Variants in OTUD7A observed in about 807,000 individuals in gnomAD.
OTUD7A encodes OTU deubiquitinase 7A, also known as OTU domain-containing protein 7A.
OTUD7A carries 12 observed loss-of-function variants against 65.7 expected under a neutral mutation model. The ratio of observed to expected loss-of-function variants is 0.18; its 90% CI spans 0.12 to 0.30. The LOEUF (loss-of-function observed/expected upper bound fraction) is 0.30, where lower values mean the gene tolerates loss of function less well. OTUD7A is among the 10% of genes least tolerant of loss of function. The pLI, the probability that OTUD7A is intolerant of heterozygous loss-of-function variation, is 1.00. For missense variants in OTUD7A, 1,148 were observed against 1,304.8 expected (o/e 0.88, Z 1.85); for synonymous variants, 641 against 586.3 (o/e 1.09, Z -1.35).
chr15:31,500,562 T>A (rs1265598790), intron 10 of OTUD7A, among the ~76,000 whole-genome samples: 3 of 152,224 alleles, frequency 2.0e-5, no homozygotes, highest in Admixed American at 2.0e-4. Flanking sequence ...AGTGACACGC[T>A]GGTGCCGCCT....
intron 5 of OTUD7A, chr15:31,558,115 C>CTGGGAGG (rs1270646467): frequency 2.6e-5 from 4 of 152,226 alleles, no homozygotes; most frequent in Admixed American, 1.3e-4. Flanking sequence ...GGGGCTCCCA[C>CTGGGAGG]TGGGAGGGGC....
chr15:31,513,677 G>C (rs1173974898), intron 8 of OTUD7A, among the ~76,000 whole-genome samples: 2 of 152,202 alleles, frequency 1.3e-5, no homozygotes, highest in African/African-American at 4.8e-5. Flanking sequence ...ATCTTATCAG[G>C]TTGTGTGAAC....
At chr15:31,651,692 A>G (rs1177441747) in intron 3 of OTUD7A, among the ~76,000 whole-genome samples, 11 of 152,176 alleles carry the variant, frequency 7.2e-5, no homozygotes, top group East Asian at 1.9e-4. Flanking sequence ...AAAATCAGTT[A>G]TATTTCTGTA....
At chr15:31,699,873 G>A (rs1893174059) in intron 1 of OTUD7A, among the ~76,000 whole-genome samples, 1 of 152,000 alleles carries the variant, frequency 6.6e-6, no homozygotes, top group African/African-American at 2.4e-5. Context: ...GCTGTTAGTG[G>A]AAGTGACGTT....
At chr15:31,676,977 T>C (rs1892608311) in intron 1 of OTUD7A, among the ~76,000 whole-genome samples, 2 of 152,254 alleles carry the variant, frequency 1.3e-5, no homozygotes, top group Admixed American at 1.3e-4. Context: ...AGACCCTGCC[T>C]GATGTTGACC....
At chr15:31,667,069 A>G (rs1892340453) in intron 1 of OTUD7A, among the ~76,000 whole-genome samples, 1 of 152,130 alleles carries the variant, frequency 6.6e-6, no homozygotes, top group African/African-American at 2.4e-5. Context: ...CCTTGGAGAA[A>G]CTTCCATGTG....
chr15:31,609,821 AC>A (rs1294429108), intron 3 of OTUD7A, among the ~76,000 whole-genome samples: 1 of 150,826 alleles, frequency 6.6e-6, no homozygotes, highest in African/African-American at 2.4e-5. Context: ...AGTCCATTTC[AC>A]CCCCCTGCCA....
At chr15:31,616,895 T>C (rs751954156) in intron 3 of OTUD7A, among the ~76,000 whole-genome samples, 9 of 152,136 alleles carry the variant, frequency 5.9e-5, no homozygotes, top group Non-Finnish European at 7.4e-5. Flanking sequence ...GAAGCATGTG[T>C]AGCTTGCAAA....
rs766786665 is a variant in OTUD7A at position 31,559,003 on chromosome 15, G to A, written c.516C>T (p.Ile172=). Residue 172 remains isoleucine, a synonymous_variant, in exon 5 of 13, where the codon ATC becomes ATT. Transcript: ENST00000307050. ...CCAAAGCCACCATTGTTGCCTGCTC[G>A]ATCAAGTCCCGCTCGATGAAGCTCC... The part of the protein sequence containing the change: ...DFRSFIERDL[I]EQATMVALEQ... The A allele has an allele frequency of 9.9e-6, 16 of 1,614,076 alleles. No homozygotes were observed. Among genetic ancestry groups the A allele is most frequent in the East Asian group, 6.7e-5 (3 of 44,902 alleles).
intron 1 of OTUD7A, among the ~76,000 whole-genome samples, chr15:31,695,225 G>A (rs1030364779): frequency 7.1e-6 from 1 of 141,822 alleles, no homozygotes; most frequent in Non-Finnish European, 1.6e-5. Context: ...ATAGAGTGCT[G>A]CAGTGAACAT....
intron 1 of OTUD7A, among the ~76,000 whole-genome samples, chr15:31,729,386 AAAG>A (rs2141358914): frequency 6.6e-6 from 1 of 152,348 alleles, no homozygotes; most frequent in South Asian, 2.1e-4. Context: ...CTGTCATGAC[AAAG>A]AAGAAATAAC....
At chr15:31,682,232 A>G (rs2338489) in intron 1 of OTUD7A, among the ~76,000 whole-genome samples, 36,326 of 152,150 alleles carry the variant, frequency 0.24, 4,689 homozygotes, top group African/African-American at 0.33. Context: ...ATTCAGACAA[A>G]AGAGACCAAA....
intron 3 of OTUD7A, among the ~76,000 whole-genome samples, chr15:31,572,366 T>G (rs936435572): frequency 1.3e-5 from 2 of 152,154 alleles, no homozygotes; most frequent in African/African-American, 2.4e-5. Context: ...CCAAAATAAT[T>G]CAAAGACTGA....
chr15:31,846,520 C>G (rs1218171620), intron 1 of OTUD7A, among the ~76,000 whole-genome samples: 1 of 152,108 alleles, frequency 6.6e-6, no homozygotes, highest in African/African-American at 2.4e-5. Flanking sequence ...CGGGCAGGAA[C>G]TGGTATGGCT....
intron 1 of OTUD7A, among the ~76,000 whole-genome samples, chr15:31,846,698 G>A (rs1049227937): frequency 1.3e-5 from 2 of 152,050 alleles, no homozygotes; most frequent in African/African-American, 4.8e-5. Context: ...CTGAAACCTC[G>A]GTTTAAGAAG....
chr15:31,565,091 A>C (rs1217676430), intron 4 of OTUD7A, among the ~76,000 whole-genome samples: 1 of 152,202 alleles, frequency 6.6e-6, no homozygotes, highest in Admixed American at 6.5e-5. Flanking sequence ...AATATGTATT[A>C]AAATTTCTAA....
At chr15:31,766,554 G>C (rs958151186) in intron 1 of OTUD7A, 1 of 1,613,066 alleles carries the variant, frequency 6.2e-7, no homozygotes, top group Non-Finnish European at 8.5e-7. Context: ...TTGCACACTT[G>C]TGCTGCCTTG....
chr15:31,584,290 T>C (rs1889461805), intron 3 of OTUD7A, among the ~76,000 whole-genome samples: 1 of 152,208 alleles, frequency 6.6e-6, no homozygotes, highest in South Asian at 2.1e-4. Flanking sequence ...CAAGTTTAAT[T>C]GAAAGCCTTG....
rs184652341 is a variant in OTUD7A at position 31,558,831 on chromosome 15, G to A, written c.550+138C>T. On this transcript the variant is annotated intron_variant, in intron 5 of 12. Coordinates refer to ENST00000307050, the MANE Select transcript of OTUD7A (RefSeq NM_001382637.1). ...GTCGGCCCGTAGAGCAGGAGGTGCG[G>A]TGCAGCATCTAGAATCCTAACTGAA... is the stretch of plus-strand genomic sequence containing the variant. 745 of 904,906 alleles carry A rather than the reference G, an allele frequency of 8.2e-4. 7 individuals are homozygous for A. In the African/African-American group the frequency reaches 0.01, roughly 12 times the overall value. 56.1% of individuals were successfully genotyped at this position (904,906 alleles called of 1,614,324 possible). A position where few individuals can be genotyped will look rare whatever the true frequency, so the allele number is the denominator to read the frequency against.
Sources: allele counts gnomAD v4.1 joint callset (sites outside exome capture counted in the v4.1 genomes callset), GRCh38; gene constraint gnomAD v4.1.1; transcripts MANE v1.5; gene names NCBI Gene and HGNC (gene_info 2026-07-23, HGNC 2026-07-21).